Variants in RELN observed in about 807,000 individuals in gnomAD.
RELN encodes the protein reelin.
In RELN, 108 loss-of-function variants were observed where a neutral mutation model predicts 427.6. That is an observed-to-expected ratio of 0.25 (90% CI 0.22 to 0.30). The LOEUF is 0.30. Among genes scored for constraint, RELN ranks in the 10% least tolerant of loss-of-function variants. The pLI is 1.00. For synonymous variants in RELN, 1,524 were observed against 1,513.4 expected (o/e 1.01, Z -0.16); for missense variants, 3,715 against 4,302.8 (o/e 0.86, Z 3.82).
At chr7:103,777,732 T>G (rs1791780310) in intron 3 of RELN, among the ~76,000 whole-genome samples, 1 of 152,192 alleles carries the variant, frequency 6.6e-6, no homozygotes, top group East Asian at 1.9e-4. Context: ...CCTTTCTGAA[T>G]TCCATCCTGA....
chr7:103,674,988 GC>G (rs1382883459), intron 11 of RELN, among the ~76,000 whole-genome samples: 1 of 152,196 alleles, frequency 6.6e-6, no homozygotes, highest in African/African-American at 2.4e-5. Flanking sequence ...AGACAGAGAT[GC>G]CCTCTCTCAC....
intron 48 of RELN, among the ~76,000 whole-genome samples, chr7:103,520,291 T>G (rs1185092205): frequency 6.6e-6 from 1 of 152,168 alleles, no homozygotes; most frequent in Non-Finnish European, 1.5e-5. Context: ...TTATTATGAT[T>G]ATTATTATTT....
At chr7:103,893,204 C>A (rs1794887115) in intron 2 of RELN, among the ~76,000 whole-genome samples, 1 of 152,100 alleles carries the variant, frequency 6.6e-6, no homozygotes, top group South Asian at 2.1e-4. Context: ...GAGAGCCAGA[C>A]CCCCCAGAAA....
intron 8 of RELN, among the ~76,000 whole-genome samples, chr7:103,710,393 G>A (rs1562966474): frequency 6.6e-6 from 1 of 152,098 alleles, no homozygotes; most frequent in Non-Finnish European, 1.5e-5. Context: ...TTTCCATTTT[G>A]TAGTCTAGTC....
chr7:103,521,643 A>G (rs546241444), intron 48 of RELN, among the ~76,000 whole-genome samples: 3 of 152,212 alleles, frequency 2.0e-5, no homozygotes, highest in Non-Finnish European at 4.4e-5. Flanking sequence ...GCTCTTTTCC[A>G]AGATGAACAT....
At position 103,989,218 on chromosome 7, in the gene RELN, C is replaced by T. The variant is rs139648092; in HGVS notation, c.139G>A (p.Glu47Lys). The T allele has an allele frequency of 6.7e-4, 1,080 of 1,613,998 alleles. No homozygotes were observed. The highest frequency in any genetic ancestry group is 8.8e-4 in the Non-Finnish European group (1,042 of 1,180,012). The change falls in exon 1 of 65, where the codon GAA (glutamate) becomes AAA (lysine). Residue 47 changes from glutamate (E) to lysine (K), a missense_variant. This residue lies in a region of RELN where 2,208 missense variants were observed against 2,361.7 expected (regional missense o/e 0.93). Transcript: ENST00000428762. This position sits in a 1 kb window ranked among gnomAD's most constrained non-coding sequence, Gnocchi z 4.9. ...ACCTCGCCCTGCTCCCCATCCCCTT[C>T]CAGCTCCCCGTGGTGGGTGCACAGG... is the stretch of plus-strand genomic sequence containing the variant. ...FFLCTHHGEL[E>K]GDGEQGEVLI... is the part of the protein sequence containing the mutation.
intron 62 of RELN, 52 bp from the exon 63 acceptor site, chr7:103,483,023 T>C (rs751844567): frequency 6.9e-7 from 1 of 1,445,104 alleles, no homozygotes; most frequent in Non-Finnish European, 9.7e-7. Flanking sequence ...AACAGAACTT[T>C]TTGGTATTTG....
At chr7:103,763,560 T>G (rs1274219020) in intron 4 of RELN, among the ~76,000 whole-genome samples, 1 of 152,138 alleles carries the variant, frequency 6.6e-6, no homozygotes, top group Non-Finnish European at 1.5e-5. Context: ...TTGAACTGGA[T>G]CTTTAAGGAT....
rs183758217 is a variant in RELN, at chr7:103,569,632, G to C, written c.4588+2552C>G. Among the ~76,000 whole-genome samples, 135 of 152,220 alleles carry C rather than the reference G, an allele frequency of 8.9e-4. No individual in the cohort carries two copies. The highest frequency in any genetic ancestry group is 3.4e-3 in the Middle Eastern group (1 of 294). ...TCTTCCTCCTCATTAGCTTTTTAAG[G>C]AGTGCCACATATACCTCAGGCAGTA... On this transcript the variant is annotated intron_variant, in intron 31 of 64. Coordinates refer to ENST00000428762, the MANE Select transcript of RELN (RefSeq NM_005045.4). The surrounding 1 kb of genome is among the most constrained non-coding windows in gnomAD (Gnocchi z 4.0).
Position 103,553,473 on chromosome 7 carries a change from G to T in RELN, c.6060C>A (p.Ile2020=). 6.2e-7 allele frequency: 1 copy of T among 1,611,536 alleles called. No individual in the cohort carries two copies. Among genetic ancestry groups the T allele is most frequent in the Non-Finnish European group, 8.5e-7 (1 of 1,177,718 alleles). ...TRDLNVNENT[I]IQFEINVGCS... The stretch of plus-strand genomic sequence containing the variant: ...CAAAGTCAAGTACCTCAAATTGTAT[G>T]ATGGTGTTCTCATTCACATTTAGGT... The change falls in exon 40 of 65, where the codon ATC becomes ATA. Residue 2020 remains isoleucine, a synonymous_variant. Coordinates refer to ENST00000428762, the MANE Select transcript of RELN (RefSeq NM_005045.4).
chr7:103,510,796 T>G, intron 51 of RELN, 55 bp downstream of exon 51: 1 of 1,385,518 alleles, frequency 7.2e-7, no homozygotes. Flanking sequence ...TCTGATATTT[T>G]TTGTTATATT....
At chr7:103,982,553 A>C (rs1004118025) in intron 1 of RELN, among the ~76,000 whole-genome samples, 2 of 152,190 alleles carry the variant, frequency 1.3e-5, no homozygotes, top group African/African-American at 2.4e-5. Flanking sequence ...TGAAGCAGAA[A>C]GGAGAAAGGA....
intron 4 of RELN, among the ~76,000 whole-genome samples, chr7:103,764,247 C>A (rs559414663): frequency 1.3e-5 from 2 of 152,138 alleles, no homozygotes; most frequent in African/African-American, 2.4e-5. Flanking sequence ...TCCTCACAAC[C>A]TTATGATGTT....
chr7:103,604,718 T>G (rs766449314), intron 22 of RELN, among the ~76,000 whole-genome samples: 1 of 152,200 alleles, frequency 6.6e-6, no homozygotes, highest in Non-Finnish European at 1.5e-5. Flanking sequence ...TTTGAGATGT[T>G]TTAAAGAAAA....
In RELN at chr7:103,575,425, C is replaced by T. The variant is rs192499064; in HGVS notation, c.4303+123G>A. ...CATGTGCCTGGGTTGTGAATTCCTA[C>T]AATTCCTAGACTTAAAGAGGAATAA... On this transcript the variant is annotated intron_variant, in intron 29 of 64. Transcript: ENST00000428762. 10 of 1,171,172 alleles carry T rather than the reference C, an allele frequency of 8.5e-6. No homozygotes were observed. In the East Asian group the frequency reaches 1.7e-4, roughly 19 times the overall value. 72.5% of individuals were successfully genotyped at this position (1,171,172 alleles called of 1,614,324 possible).
intron 11 of RELN, among the ~76,000 whole-genome samples, chr7:103,671,503 G>A (rs1317207232): frequency 6.6e-6 from 1 of 152,062 alleles, no homozygotes; most frequent in African/African-American, 2.4e-5. Flanking sequence ...ATGATGTATT[G>A]CCTGGGACAT....
chr7:103,643,161 T>C (rs144618860), intron 16 of RELN, among the ~76,000 whole-genome samples: 11 of 152,214 alleles, frequency 7.2e-5, no homozygotes, highest in Non-Finnish European at 1.0e-4. Context: ...GATTAAGACA[T>C]GGAAAATCAA....
intron 22 of RELN, among the ~76,000 whole-genome samples, chr7:103,606,002 G>A (rs1380014429): frequency 6.6e-6 from 1 of 152,124 alleles, no homozygotes; most frequent in Non-Finnish European, 1.5e-5. Context: ...TAAGCAAACA[G>A]CCATCACAAT....
chr7:103,574,301 T>A lies in RELN; in HGVS notation c.4304-2A>T. The A allele has an allele frequency of 6.2e-7, 1 of 1,613,504 alleles. No homozygotes were observed. Among genetic ancestry groups the A allele is most frequent in the Non-Finnish European group, 8.5e-7 (1 of 1,179,478 alleles). On this transcript the variant is annotated splice_acceptor_variant, in intron 29 of 64. Coordinates refer to ENST00000428762, the MANE Select transcript of RELN (RefSeq NM_005045.4). LOFTEE classifies it high-confidence loss of function. Reference sequence around the variant, plus strand: ...TTGACACACAGGTTCCTTGTGCAGCTTCAGAAAAAGAAATAGAGAGGAGAG... The same window carrying A: ...TTGACACACAGGTTCCTTGTGCAGCATCAGAAAAAGAAATAGAGAGGAGAG...
Sources: gnomAD v4.1 joint callset for allele counts (sites outside exome capture counted in the v4.1 genomes callset) on GRCh38, gnomAD v4.1.1 for gene constraint, gnomAD v4.1.1 regional missense constraint, Gnocchi (gnomAD v3.1) non-coding constraint, MANE v1.5 for transcripts, NCBI Gene and HGNC (gene_info 2026-07-23, HGNC 2026-07-21) for gene names.